PRIM2: variants seen among roughly 807,000 people sequenced by gnomAD.
The protein encoded by PRIM2 is DNA primase subunit 2.
In PRIM2, 39 loss-of-function variants were observed where a neutral mutation model predicts 67.3. The ratio of observed to expected loss-of-function variants is 0.58; its 90% CI spans 0.45 to 0.76. PRIM2 has a LOEUF of 0.76. PRIM2 is among the 30% of genes least tolerant of loss of function. PRIM2 has a pLI of 0.00. For missense variants in PRIM2, 398 were observed against 598.7 expected (o/e 0.66, Z 3.50); for synonymous variants, 143 against 198.7 (o/e 0.72, Z 2.36).
At chr6:57,521,393 T>TTTTTTTTTTA (rs1554348911) in intron 8 of PRIM2, among the ~76,000 whole-genome samples, 2 of 132,788 alleles carry the variant, frequency 1.5e-5, no homozygotes, top group African/African-American at 6.1e-5. Flanking sequence ...TTTTTTTTTT[T>TTTTTTTTTTA]AACACCCTAA....
At chr6:57,446,554 C>T (rs1205845810) in intron 7 of PRIM2, among the ~76,000 whole-genome samples, 5 of 151,782 alleles carry the variant, frequency 3.3e-5, no homozygotes, top group African/African-American at 1.2e-4. Context: ...GCTGAGATTA[C>T]AGGCACCCGC....
At chr6:57,635,800 CCTAA>C (rs1777111925) in intron 13 of PRIM2, among the ~76,000 whole-genome samples, 1 of 152,022 alleles carries the variant, frequency 6.6e-6, no homozygotes, top group African/African-American at 2.4e-5. Flanking sequence ...GCAATAGCTT[CCTAA>C]CTCGTTTCCC....
chr6:57,513,460 T>A (rs1249194873), intron 8 of PRIM2, among the ~76,000 whole-genome samples: 2 of 151,410 alleles, frequency 1.3e-5, no homozygotes, highest in Non-Finnish European at 2.9e-5. Flanking sequence ...ATATTATACA[T>A]GTGATAACTT....
intron 10 of PRIM2, among the ~76,000 whole-genome samples, chr6:57,585,359 CAG>C (rs1776170409): frequency 6.6e-6 from 1 of 152,124 alleles, no homozygotes; most frequent in Non-Finnish European, 1.5e-5. Context: ...GTGGTAAAAA[CAG>C]ATTTTATTCA....
At chr6:57,240,006 T>C in the PRIM2 span, among the ~76,000 whole-genome samples, 2 of 151,786 alleles carry the variant, frequency 1.3e-5, no homozygotes, top group African/African-American at 2.4e-5. Flanking sequence ...AGGACAGATA[T>C]TAAGAACATA....
At chr6:57,456,402 C>T (rs1772781642) in intron 7 of PRIM2, among the ~76,000 whole-genome samples, 2 of 152,144 alleles carry the variant, frequency 1.3e-5, no homozygotes, top group Non-Finnish European at 2.9e-5. Flanking sequence ...GTTCCATTCT[C>T]CCCATCACTT....
At chr6:57,407,499 T>G (rs1436448199) in intron 7 of PRIM2, among the ~76,000 whole-genome samples, 4 of 152,088 alleles carry the variant, frequency 2.6e-5, no homozygotes, top group African/African-American at 9.7e-5. Flanking sequence ...GCAAGTTTAT[T>G]AGGAAAGTAA....
chr6:57,607,887 G>T (rs1214807281), intron 12 of PRIM2, among the ~76,000 whole-genome samples: 1 of 152,118 alleles, frequency 6.6e-6, no homozygotes, highest in African/African-American at 2.4e-5. Context: ...TAGAATTGTA[G>T]CATAGGTAGA....
the PRIM2 span, among the ~76,000 whole-genome samples, chr6:57,268,112 T>C: frequency 6.6e-6 from 1 of 152,100 alleles, no homozygotes; most frequent in African/African-American, 2.4e-5. Flanking sequence ...TCCTAAAGTA[T>C]TAGGTGGTTG....
At chr6:57,519,493 C>T (rs1248064423) in intron 8 of PRIM2, among the ~76,000 whole-genome samples, 2 of 152,212 alleles carry the variant, frequency 1.3e-5, no homozygotes, top group Non-Finnish European at 2.9e-5. Flanking sequence ...ACATTTCTTC[C>T]ATTTGCTTTT....
chr6:57,540,616 TA>T (rs1392094240), intron 10 of PRIM2, among the ~76,000 whole-genome samples: 2 of 152,160 alleles, frequency 1.3e-5, no homozygotes, highest in African/African-American at 4.8e-5. Flanking sequence ...TATGAATGTA[TA>T]AAATATATAC....
chr6:57,590,204 A>G (rs1273012340), intron 10 of PRIM2, among the ~76,000 whole-genome samples: 1 of 150,926 alleles, frequency 6.6e-6, no homozygotes, highest in Admixed American at 6.6e-5. Context: ...ACCACCAGAT[A>G]CCCAAAAAGC....
the PRIM2 span, among the ~76,000 whole-genome samples, chr6:57,247,043 A>C: frequency 6.6e-6 from 1 of 151,884 alleles, no homozygotes; most frequent in Non-Finnish European, 1.5e-5. Context: ...TTTAGTAGAG[A>C]CGGGGTTTCA....
At chr6:57,600,779 CAA>C (rs1419238909) in intron 10 of PRIM2, among the ~76,000 whole-genome samples, 1 of 152,144 alleles carries the variant, frequency 6.6e-6, no homozygotes, top group African/African-American at 2.4e-5. Flanking sequence ...TCTTTGGAAT[CAA>C]ACGAAGAAGG....
rs555645526 is a variant in PRIM2 at position 57,395,094 on chromosome 6, G to A, written c.693+12926G>A. Among the ~76,000 whole-genome samples the A allele has an allele frequency of 2.2e-3, 339 of 152,244 alleles. 2 individuals carry two copies. Among genetic ancestry groups the A allele is most frequent in the Middle Eastern group, 0.014 (4 of 294 alleles). On this transcript the variant is annotated intron_variant, in intron 7 of 13. Coordinates refer to ENST00000615550, the MANE Select transcript of PRIM2 (RefSeq NM_000947.5). ...TTTTGTTAAGGATTTTAGCAGCTATGTTCATCAAGGATATCAGTCTGTAGT... is the reference window on the plus strand; with the variant it reads ...TTTTGTTAAGGATTTTAGCAGCTATATTCATCAAGGATATCAGTCTGTAGT...
At chr6:57,370,173 T>C (rs1769496194) in intron 5 of PRIM2, among the ~76,000 whole-genome samples, 1 of 152,212 alleles carries the variant, frequency 6.6e-6, no homozygotes, top group Non-Finnish European at 1.5e-5. Context: ...CTGTTTTTAC[T>C]TGTATTCTTT....
intron 12 of PRIM2, among the ~76,000 whole-genome samples, chr6:57,613,161 C>T (rs1776696200): frequency 6.6e-6 from 1 of 151,846 alleles, no homozygotes; most frequent in African/African-American, 2.4e-5. Context: ...ATTTACTTTT[C>T]ATAGTAAAAA....
At chr6:57,285,013 G>GA in the PRIM2 span, among the ~76,000 whole-genome samples, 14 of 152,026 alleles carry the variant, frequency 9.2e-5, no homozygotes, top group African/African-American at 3.1e-4. Flanking sequence ...AAATAAACTA[G>GA]AAAATCTAGA....
At chr6:57,592,790 C>CAA (rs1181535156) in intron 10 of PRIM2, among the ~76,000 whole-genome samples, 24 of 111,222 alleles carry the variant, frequency 2.2e-4, no homozygotes, top group Admixed American at 2.9e-4. Flanking sequence ...GACTCTGTCT[C>CAA]AAAAAAAAAA....
Sources: allele counts gnomAD v4.1 joint callset (sites outside exome capture counted in the v4.1 genomes callset), GRCh38; gene constraint gnomAD v4.1.1; transcripts MANE v1.5; gene names NCBI Gene and HGNC (gene_info 2026-07-23, HGNC 2026-07-21).